APBB1: variants seen among roughly 807,000 people sequenced by gnomAD.
The protein encoded by APBB1 is amyloid beta precursor protein binding family B member 1, also known as adaptor protein FE65a2.
A neutral mutation model predicts 78.4 loss-of-function variants in APBB1; 22 were observed. That is an observed-to-expected ratio of 0.28 (90% CI 0.20 to 0.40). The LOEUF (loss-of-function observed/expected upper bound fraction) is 0.40. APBB1 is among the 10% of genes least tolerant of loss of function. APBB1 has a pLI of 1.00. For missense variants in APBB1, 749 were observed against 932.4 expected, an observed-to-expected ratio of 0.80 and a Z score of 2.56; for synonymous variants, 369 against 372.7, an observed-to-expected ratio of 0.99 and a Z score of 0.12.
intron 7 of APBB1, 98 bp downstream of exon 7, chr11:6,402,471 ATCCCCCT>A: frequency 7.5e-7 from 1 of 1,326,468 alleles, no homozygotes; most frequent in Non-Finnish European, 1.1e-6. Context: ...ATGGGCCAAT[ATCCCCCT>A]TCCCCAGCCT....
rs1000327510 is a variant in APBB1, at chr11:6,395,429, T to C, written c.*105A>G. On this transcript the variant is annotated 3_prime_UTR_variant, in exon 15 of 15. Coordinates refer to ENST00000609360, the MANE Select transcript of APBB1 (RefSeq NM_001164.5). This position sits in a 1 kb window ranked among gnomAD's most constrained non-coding sequence, Gnocchi z 5.2. ...CGTAGCTACTGGGGAGGGGCATATTTGGGAGGCCTGAGGCCTAGGAATAGC... is the reference window on the plus strand; with the variant it reads ...CGTAGCTACTGGGGAGGGGCATATTCGGGAGGCCTGAGGCCTAGGAATAGC... 37 of 1,276,434 alleles carry C rather than the reference T, an allele frequency of 2.9e-5. No homozygotes were observed. Among genetic ancestry groups the C allele is most frequent in the African/African-American group, 9.0e-5 (6 of 66,632 alleles). The allele number at this position is 1,276,434 out of a possible 1,614,324, so 79.1% of individuals were successfully genotyped here.
intron 2 of APBB1, among the ~76,000 whole-genome samples, chr11:6,409,221 T>C (rs1232634489): frequency 2.6e-5 from 4 of 152,084 alleles, no homozygotes; most frequent in Non-Finnish European, 5.9e-5. Context: ...CAGTGGCTGA[T>C]GCCTCCACTC....
At chr11:6,408,783 C>A (rs1848887252) in intron 2 of APBB1, among the ~76,000 whole-genome samples, 1 of 152,160 alleles carries the variant, frequency 6.6e-6, no homozygotes, top group African/African-American at 2.4e-5. Flanking sequence ...GGATTACAGG[C>A]ATAAGCCACC....
At chr11:6,416,815 T>C (rs2634188) in intron 1 of APBB1, among the ~76,000 whole-genome samples, 40,252 of 151,754 alleles carry the variant, frequency 0.27, 5,504 homozygotes, top group Admixed American at 0.32. Flanking sequence ...GATCTCGGCT[T>C]ACTGCAACCT....
Position 6,406,393 on chromosome 11 carries a change from CT to C in APBB1, c.722-2572del, listed in dbSNP as rs34092697. On this transcript the variant is annotated intron_variant, in intron 2 of 14. Transcript: ENST00000609360. ...TAACTAACATAGCCCAGGCTACTAG[CT>C]TTTTTTTTTTTAACCTGCATCATTG... 3.1e-3 allele frequency among the ~76,000 whole-genome samples: 458 copies of C among 145,778 alleles called. 1 individual carries two copies. Among genetic ancestry groups the C allele is most frequent in the South Asian group, 4.1e-3 (19 of 4,630 alleles).
chr11:6,402,308 C>A (rs373658938), intron 7 of APBB1, 99 bp from the exon 8 acceptor site: 1 of 1,535,928 alleles, frequency 6.5e-7, no homozygotes, highest in East Asian at 2.3e-5. Context: ...AGCTCTGGGG[C>A]CCCTGCTTTG....
At chr11:6,413,860 G>A (rs778496572) in intron 1 of APBB1, among the ~76,000 whole-genome samples, 30 of 152,252 alleles carry the variant, frequency 2.0e-4, no homozygotes, top group East Asian at 7.7e-4. Flanking sequence ...TTCTGCGCAC[G>A]TGTCTGCCTC....
At chr11:6,405,547 G>A (rs1848768182) in intron 2 of APBB1, 3 of 985,890 alleles carry the variant, frequency 3.0e-6, no homozygotes, top group Non-Finnish European at 1.2e-6. Flanking sequence ...CCAAGACCCT[G>A]CTGCTGGGCA....
rs1490526064 is a variant in APBB1, at chr11:6,403,629, C to A, written c.897+18G>T. On this transcript the variant is annotated intron_variant, in intron 3 of 14. Transcript: ENST00000609360. This position sits in a 1 kb window ranked among gnomAD's most constrained non-coding sequence, Gnocchi z 5.3. ...CCCTCCACCCCTGGCCCAAAATCAA[C>A]AGGCCTGTGAGCCTCACCTGGGACT... 2 of 1,611,900 alleles carry A rather than the reference C, an allele frequency of 1.2e-6. No individual in the cohort carries two copies. Among genetic ancestry groups the A allele is most frequent in the African/African-American group, 2.7e-5 (2 of 74,912 alleles).
In APBB1 at chr11:6,403,001, A is replaced by G. The variant is rs1848612114; in HGVS notation, c.1104+144T>C. 3.4e-6 allele frequency: 3 copies of G among 883,206 alleles called. No homozygotes were observed. In the Admixed American group the frequency reaches 8.4e-5, roughly 25 times the overall value. 54.7% of individuals were successfully genotyped at this position (883,206 alleles called of 1,614,324 possible). ...AAAAACTGAAGTGCCTCCAGCTCAGACACAGGGCTCTGTGCTGAGACTGGA... is the reference window on the plus strand; with the variant it reads ...AAAAACTGAAGTGCCTCCAGCTCAGGCACAGGGCTCTGTGCTGAGACTGGA... On this transcript the variant is annotated intron_variant, in intron 6 of 14. Transcript: ENST00000609360. The surrounding 1 kb of genome is among the most constrained non-coding windows in gnomAD (Gnocchi z 5.3).
intron 2 of APBB1, chr11:6,404,584 A>C: frequency 6.5e-7 from 1 of 1,535,814 alleles, no homozygotes; most frequent in Non-Finnish European, 8.7e-7. Context: ...GCAAGCAAAC[A>C]TGTCATGCAC....
Position 6,395,430 on chromosome 11 carries a change from G to T in APBB1, c.*104C>A. On this transcript the variant is annotated 3_prime_UTR_variant, in exon 15 of 15. Coordinates refer to ENST00000609360, the MANE Select transcript of APBB1 (RefSeq NM_001164.5). This position sits in a 1 kb window ranked among gnomAD's most constrained non-coding sequence, Gnocchi z 5.2. ...GTAGCTACTGGGGAGGGGCATATTT[G>T]GGAGGCCTGAGGCCTAGGAATAGCC... is the stretch of plus-strand genomic sequence containing the variant. The T allele has an allele frequency of 7.9e-7, 1 of 1,271,044 alleles. No individual in the cohort carries two copies. The highest frequency in any genetic ancestry group is 1.0e-6 in the Non-Finnish European group (1 of 958,024). The allele number at this position is 1,271,044 out of a possible 1,614,324, so 78.7% of individuals were successfully genotyped here.
intron 1 of APBB1, among the ~76,000 whole-genome samples, chr11:6,414,021 G>A (rs1849053246): frequency 6.6e-6 from 1 of 152,046 alleles, no homozygotes; most frequent in Non-Finnish European, 1.5e-5. Context: ...TCACTCCCTG[G>A]TTCAGAAAAT....
chr11:6,401,914 G>C lies in APBB1; in HGVS notation c.1388+63C>G. 6.4e-7 allele frequency: 1 copy of C among 1,550,582 alleles called. No homozygotes were observed. Among genetic ancestry groups the C allele is most frequent in the Non-Finnish European group, 8.7e-7 (1 of 1,150,960 alleles). On this transcript the variant is annotated intron_variant, in intron 9 of 14. Transcript: ENST00000609360. This position sits in a 1 kb window ranked among gnomAD's most constrained non-coding sequence, Gnocchi z 4.5. ...GGGTGGGAAGGGGCAGGGCAGAAGA[G>C]GGGAGCTTGGGTGCTTCCAGGCATC...
chr11:6,403,787 A>T lies in APBB1; in HGVS notation c.757T>A (p.Ser253Thr). The change falls in exon 3 of 15, where the codon TCC becomes ACC. Residue 253 changes from serine to threonine, a missense_variant. This residue lies in a region of APBB1 where 635 missense variants were observed against 765.0 expected (regional missense o/e 0.83). Coordinates refer to ENST00000609360, the MANE Select transcript of APBB1 (RefSeq NM_001164.5). The surrounding 1 kb of genome is among the most constrained non-coding windows in gnomAD (Gnocchi z 5.3). ...FWNPNAFETD[S>T]DLPAGWMRVQ... ...CTCATCCATCCAGCCGGCAGGTCGG[A>T]ATCCGTCTCGAAGGCGTTGGGGTTC... 6.3e-7 allele frequency: 1 copy of T among 1,577,782 alleles called. No homozygotes were observed. Among genetic ancestry groups the T allele is most frequent in the Non-Finnish European group, 8.6e-7 (1 of 1,159,886 alleles).
chr11:6,414,642 T>TC, intron 1 of APBB1, among the ~76,000 whole-genome samples: 1 of 151,572 alleles, frequency 6.6e-6, no homozygotes. Context: ...TGCCAAAGGG[T>TC]CCCTGAGTGG....
chr11:6,404,930 G>A (rs900327341), intron 2 of APBB1: 66 of 1,448,754 alleles, frequency 4.6e-5, no homozygotes, highest in South Asian at 1.6e-4. Context: ...AGGGCAGAGC[G>A]TCTGCCAGGC....
At chr11:6,413,946 G>GAA (rs1023804500) in intron 1 of APBB1, among the ~76,000 whole-genome samples, 1 of 152,034 alleles carries the variant, frequency 6.6e-6, no homozygotes, top group East Asian at 1.9e-4. Flanking sequence ...AATAAATGAA[G>GAA]AAAAAAATAG....
At chr11:6,404,262 G>T (rs565745731) in intron 2 of APBB1, among the ~76,000 whole-genome samples, 1 of 152,170 alleles carries the variant, frequency 6.6e-6, no homozygotes, top group Non-Finnish European at 1.5e-5. Context: ...AAACACCAGG[G>T]TATGCAACAC....
Sources: gnomAD v4.1 joint callset for allele counts (sites outside exome capture counted in the v4.1 genomes callset) on GRCh38, gnomAD v4.1.1 for gene constraint, gnomAD v4.1.1 regional missense constraint, Gnocchi (gnomAD v3.1) non-coding constraint, MANE v1.5 for transcripts, NCBI Gene and HGNC (gene_info 2026-07-23, HGNC 2026-07-21) for gene names.